The following GPHN variants were observed in gnomAD, a reference collection of about 807,000 sequenced individuals.
GPHN encodes the protein gephyrin.
A neutral mutation model predicts 95.5 loss-of-function variants in GPHN; 17 were observed. That is an observed-to-expected ratio of 0.18 (90% CI 0.12 to 0.27). GPHN has a LOEUF of 0.27. GPHN is among the 10% of genes least tolerant of loss of function. The pLI, the probability that GPHN is intolerant of heterozygous loss-of-function variation, is 1.00. For missense variants in GPHN, 660 were observed against 978.1 expected, an observed-to-expected ratio of 0.67 and a Z score of 4.34; for synonymous variants, 320 against 322.5, an observed-to-expected ratio of 0.99 and a Z score of 0.08.
chr14:67,638,255 G>A, the GPHN span, among the ~76,000 whole-genome samples: 1 of 152,014 alleles, frequency 6.6e-6, no homozygotes, highest in African/African-American at 2.4e-5. Flanking sequence ...CAGGCATGGT[G>A]GCTCACATCT....
At chr14:66,630,425 G>C (rs1488023688) in intron 1 of GPHN, among the ~76,000 whole-genome samples, 1 of 152,026 alleles carries the variant, frequency 6.6e-6, no homozygotes, top group Non-Finnish European at 1.5e-5. Context: ...GAAATTGGAA[G>C]AAATAAAGAA....
At chr14:67,114,342 A>G (rs2078551211) in intron 16 of GPHN, among the ~76,000 whole-genome samples, 1 of 152,164 alleles carries the variant, frequency 6.6e-6, no homozygotes, top group Admixed American at 6.5e-5. Context: ...TTTATGATAT[A>G]CTTACATGCT....
At position 67,177,698 on chromosome 14, in the gene GPHN, A is replaced by G. The variant is rs530162382; in HGVS notation, c.2080-1880A>G. ...TGGGGTGTTAAAGTCTCCCATTATT[A>G]TTGTGTGGGAGTCTAAGTCTCTTTG... On this transcript the variant is annotated intron_variant, in intron 21 of 22. Coordinates refer to ENST00000478722, the MANE Select transcript of GPHN (RefSeq NM_020806.5). 1.4e-3 allele frequency among the ~76,000 whole-genome samples: 213 copies of G among 152,126 alleles called. 1 individual carries two copies. Among genetic ancestry groups the G allele is most frequent in the African/African-American group, 5.0e-3 (207 of 41,474 alleles).
At chr14:67,581,195 C>T in the GPHN span, among the ~76,000 whole-genome samples, 1 of 152,024 alleles carries the variant, frequency 6.6e-6, no homozygotes, top group Non-Finnish European at 1.5e-5. Context: ...GCGGGCTCTG[C>T]TGCTGATACT....
chr14:67,261,506 A>G, the GPHN span, among the ~76,000 whole-genome samples: 2 of 152,292 alleles, frequency 1.3e-5, no homozygotes, highest in South Asian at 4.2e-4. Context: ...AATTTGTATA[A>G]CAGGAGTCTA....
chr14:67,564,091 C>T, the GPHN span, among the ~76,000 whole-genome samples: 2 of 151,728 alleles, frequency 1.3e-5, no homozygotes, highest in East Asian at 1.9e-4. Flanking sequence ...TTAGTAGAGA[C>T]GGGGTTTCAC....
chr14:66,826,509 T>G (rs1025045297), intron 4 of GPHN, among the ~76,000 whole-genome samples: 1 of 152,194 alleles, frequency 6.6e-6, no homozygotes, highest in Admixed American at 6.5e-5. Context: ...CAGTGGCAAG[T>G]ACCAGATCCC....
the GPHN span, among the ~76,000 whole-genome samples, chr14:67,480,358 A>G: frequency 6.6e-6 from 1 of 152,128 alleles, no homozygotes; most frequent in African/African-American, 2.4e-5. Flanking sequence ...CAGGAGAACA[A>G]AACTCCCACA....
At chr14:67,586,748 C>A in the GPHN span, 8 of 1,252,508 alleles carry the variant, frequency 6.4e-6, no homozygotes, top group Non-Finnish European at 8.2e-6. Flanking sequence ...TTTAATACCA[C>A]CCCTGCTAAA....
intron 5 of GPHN, among the ~76,000 whole-genome samples, chr14:66,898,911 G>T (rs904825271): frequency 2.0e-5 from 3 of 151,790 alleles, no homozygotes; most frequent in African/African-American, 7.3e-5. Context: ...GCAGTTTTCA[G>T]TATAAAAAGT....
the GPHN span, chr14:67,380,803 A>G: frequency 8.6e-7 from 1 of 1,168,180 alleles, no homozygotes; most frequent in African/African-American, 1.6e-5. Flanking sequence ...AGTATTTTGC[A>G]TGCATCAAAA....
intron 10 of GPHN, among the ~76,000 whole-genome samples, chr14:67,055,519 A>C (rs1189979876): frequency 6.6e-6 from 1 of 152,252 alleles, no homozygotes; most frequent in African/African-American, 2.4e-5. Flanking sequence ...CTAGAACTAG[A>C]TATACCATTT....
At chr14:67,565,989 G>A in the GPHN span, among the ~76,000 whole-genome samples, 2 of 152,260 alleles carry the variant, frequency 1.3e-5, no homozygotes, top group Non-Finnish European at 2.9e-5. Context: ...GCATGGTGGT[G>A]CACGCCTATA....
chr14:67,332,122 A>T, the GPHN span, among the ~76,000 whole-genome samples: 34 of 152,212 alleles, frequency 2.2e-4, no homozygotes, highest in African/African-American at 8.2e-4. Flanking sequence ...AGTTGTCTTC[A>T]TTGGCAGGGG....
At chr14:66,936,779 G>A (rs115247365) in intron 8 of GPHN, among the ~76,000 whole-genome samples, 93 of 152,262 alleles carry the variant, frequency 6.1e-4, no homozygotes, top group African/African-American at 2.1e-3. Context: ...CATGAAGACT[G>A]GAATGAATTT....
At chr14:67,046,618 G>T (rs894724203) in intron 10 of GPHN, among the ~76,000 whole-genome samples, 3 of 152,086 alleles carry the variant, frequency 2.0e-5, no homozygotes, top group African/African-American at 4.8e-5. Context: ...GAAATCTCAG[G>T]AGAACTTCCA....
At chr14:67,614,475 A>G in the GPHN span, among the ~76,000 whole-genome samples, 3 of 152,170 alleles carry the variant, frequency 2.0e-5, no homozygotes, top group East Asian at 5.8e-4. Context: ...ATTAAGAATC[A>G]GATTACAGTC....
the GPHN span, chr14:67,579,567 T>C: frequency 2.2e-5 from 16 of 726,598 alleles, no homozygotes; most frequent in Middle Eastern, 2.8e-4. Context: ...CCTCATGCAC[T>C]GGCCCTTTGC....
intron 5 of GPHN, among the ~76,000 whole-genome samples, chr14:66,894,556 C>T (rs1188753767): frequency 2.6e-5 from 4 of 152,208 alleles, no homozygotes; most frequent in Non-Finnish European, 5.9e-5. Context: ...AAAGAAACTA[C>T]CATCAGAGTG....
Sources: allele counts gnomAD v4.1 joint callset (sites outside exome capture counted in the v4.1 genomes callset), GRCh38; gene constraint gnomAD v4.1.1; transcripts MANE v1.5; gene names NCBI Gene and HGNC (gene_info 2026-07-23, HGNC 2026-07-21).